KCNMA1: variants seen among roughly 807,000 people sequenced by gnomAD.
KCNMA1 encodes the protein Calcium-activated potassium channel subunit alpha-1.
Under a neutral mutation model 140.0 loss-of-function variants are expected in KCNMA1, and 29 were observed. The ratio of observed to expected loss-of-function variants is 0.21; its 90% confidence interval spans 0.15 to 0.28. The LOEUF (loss-of-function observed/expected upper bound fraction) is 0.28, where lower values mean the gene tolerates loss of function less well. KCNMA1 is among the 10% of genes least tolerant of loss of function. The pLI, the probability that KCNMA1 is intolerant of heterozygous loss-of-function variation, is 1.00. For missense variants in KCNMA1, 880 were observed against 1,602.2 expected, an observed-to-expected ratio of 0.55 and a Z score of 7.70; for synonymous variants, 612 against 611.9, an observed-to-expected ratio of 1.00 and a Z score of 0.00.
chr10:76,983,438 T>C (rs1032918717), intron 19 of KCNMA1, among the ~76,000 whole-genome samples: 7 of 152,094 alleles, frequency 4.6e-5, no homozygotes, highest in African/African-American at 9.7e-5. Flanking sequence ...TAGGTAGAAA[T>C]TTAATAATGA....
intron 19 of KCNMA1, among the ~76,000 whole-genome samples, chr10:76,998,161 C>CGAGCAGGCAGCCCCTGTTGT (rs1360410575): frequency 3.9e-5 from 6 of 152,144 alleles, no homozygotes; most frequent in Non-Finnish European, 8.8e-5. Context: ...AGGGGTGCAC[C>CGAGCAGGCAGCCCCTGTTGT]GAGCAGGCAG....
intron 12 of KCNMA1, 39 bp from the exon 13 acceptor site, chr10:77,079,589 T>TATGC: frequency 7.4e-7 from 1 of 1,354,552 alleles, no homozygotes; most frequent in South Asian, 1.2e-5. Context: ...AGGTCTGCCT[T>TATGC]ATGCATGGTG....
intron 1 of KCNMA1, among the ~76,000 whole-genome samples, chr10:77,566,995 T>C (rs756528195): frequency 2.0e-5 from 3 of 152,114 alleles, no homozygotes; most frequent in Non-Finnish European, 2.9e-5. Context: ...TAGTTTTACC[T>C]TGAACCTCCC....
At chr10:77,022,379 C>T (rs1209978763) in intron 16 of KCNMA1, among the ~76,000 whole-genome samples, 2 of 152,188 alleles carry the variant, frequency 1.3e-5, no homozygotes, top group African/African-American at 4.8e-5. Context: ...GACTTTCCCT[C>T]ATTTCAAGGA....
At chr10:77,125,911 G>A (rs369498323) in intron 5 of KCNMA1, among the ~76,000 whole-genome samples, 13 of 152,262 alleles carry the variant, frequency 8.5e-5, no homozygotes, top group South Asian at 8.3e-4. Flanking sequence ...GAAGCCCTGC[G>A]GGGTCCCCTG....
At chr10:77,584,205 C>G (rs982059608) in intron 1 of KCNMA1, among the ~76,000 whole-genome samples, 5 of 152,158 alleles carry the variant, frequency 3.3e-5, no homozygotes, top group African/African-American at 1.2e-4. Context: ...TATAACCACC[C>G]AACCACCTTA....
intron 13 of KCNMA1, among the ~76,000 whole-genome samples, chr10:77,074,127 C>A (rs1274553583): frequency 6.6e-6 from 1 of 152,072 alleles, no homozygotes; most frequent in African/African-American, 2.4e-5. Flanking sequence ...TAAAAAAAAT[C>A]AACTATATAA....
intron 1 of KCNMA1, among the ~76,000 whole-genome samples, chr10:77,461,228 C>CTTTTTTTTTT (rs5786288): frequency 9.9e-4 from 146 of 146,912 alleles, no homozygotes; most frequent in African/African-American, 3.5e-3. Context: ...TGTACTCCCT[C>CTTTTTTTTTT]TTTTTTTTTT....
chr10:77,294,897 C>A (rs1263431547), intron 2 of KCNMA1, among the ~76,000 whole-genome samples: 3 of 151,888 alleles, frequency 2.0e-5, no homozygotes, highest in African/African-American at 4.8e-5. Flanking sequence ...CCAGCCTGGA[C>A]AACAGAGCAA....
intron 14 of KCNMA1, among the ~76,000 whole-genome samples, chr10:77,042,019 C>T (rs1302601072): frequency 2.0e-5 from 3 of 152,176 alleles, no homozygotes; most frequent in Non-Finnish European, 4.4e-5. Context: ...TGCTCTTTGT[C>T]TGCTTTTAGC....
chr10:77,575,733 C>G (rs1272284713), intron 1 of KCNMA1, among the ~76,000 whole-genome samples: 1 of 152,228 alleles, frequency 6.6e-6, no homozygotes, highest in Non-Finnish European at 1.5e-5. Flanking sequence ...AGAGGCTATT[C>G]GGATTTGTTC....
intron 2 of KCNMA1, among the ~76,000 whole-genome samples, chr10:77,259,872 G>T (rs1234955828): frequency 1.3e-5 from 2 of 152,236 alleles, no homozygotes; most frequent in East Asian, 3.8e-4. Context: ...TGAAGGCCGG[G>T]TGTGTGTCCA....
intron 1 of KCNMA1, among the ~76,000 whole-genome samples, chr10:77,544,341 G>C (rs2060916873): frequency 6.6e-6 from 1 of 152,122 alleles, no homozygotes; most frequent in Admixed American, 6.6e-5. Context: ...TTCCCAAGTG[G>C]TTGAGAGGGT....
chr10:77,026,665 T>G (rs1329351015), intron 16 of KCNMA1, among the ~76,000 whole-genome samples: 3 of 152,244 alleles, frequency 2.0e-5, no homozygotes, highest in Non-Finnish European at 4.4e-5. Flanking sequence ...TCCTTTTGGT[T>G]GATTTGGGTT....
At chr10:77,460,399 A>G (rs2097844052) in intron 1 of KCNMA1, among the ~76,000 whole-genome samples, 1 of 152,190 alleles carries the variant, frequency 6.6e-6, no homozygotes, top group African/African-American at 2.4e-5. Context: ...GTATCTACCG[A>G]AAGGAAATCA....
chr10:76,876,648 A>G (rs1431025519), downstream of KCNMA1: 1 of 152,252 alleles, frequency 6.6e-6, no homozygotes, highest in African/African-American at 2.4e-5. Context: ...CAGCAACTAA[A>G]TAAAGGAGAG....
chr10:77,457,835 G>C (rs979166976), intron 1 of KCNMA1, among the ~76,000 whole-genome samples: 1 of 152,128 alleles, frequency 6.6e-6, no homozygotes, highest in Non-Finnish European at 1.5e-5. Context: ...TGTTGCCTGC[G>C]AGTGCAGTGC....
intron 1 of KCNMA1, among the ~76,000 whole-genome samples, chr10:77,447,895 T>G (rs2097558726): frequency 6.6e-6 from 1 of 152,186 alleles, no homozygotes; most frequent in South Asian, 2.1e-4. Flanking sequence ...AGGTTATAAT[T>G]AGAGACGCAG....
Position 76,970,380 on chromosome 10 carries a change from T to A in KCNMA1, c.2267-313A>T, listed in dbSNP as rs368246584. The A allele has an allele frequency of 1.0e-4, 31 of 303,030 alleles. 3 individuals are homozygous for A. The highest frequency in any genetic ancestry group is 1.1e-3 in the Middle Eastern group (1 of 908). The allele number at this position is 303,030 out of a possible 1,614,324, so 18.8% of individuals were successfully genotyped here. A position where few individuals can be genotyped will look rare whatever the true frequency, so the allele number is the denominator to read the frequency against. On this transcript the variant is annotated intron_variant, in intron 19 of 27. Transcript: ENST00000286628. ...TGATTTATCTGTATACCAAAAAAAA[T>A]ACTTATCATTATTCTTAGAGTTAAT...
Sources: allele counts gnomAD v4.1 joint callset (sites outside exome capture counted in the v4.1 genomes callset), GRCh38; gene constraint gnomAD v4.1.1; transcripts MANE v1.5; gene names NCBI Gene and HGNC (gene_info 2026-07-23, HGNC 2026-07-21).